Variants in TMEM45B observed in about 807,000 individuals in gnomAD.
The protein encoded by TMEM45B is transmembrane protein 45B.
In TMEM45B, 29 loss-of-function variants were observed where a neutral mutation model predicts 27.3. The observed-to-expected ratio is 1.06, with a 90% CI of 0.79 to 1.45. The LOEUF (loss-of-function observed/expected upper bound fraction) is 1.45. Ranked by LOEUF, TMEM45B falls within the 40% of genes most tolerant of loss-of-function variation. The pLI, the probability that TMEM45B is intolerant of heterozygous loss-of-function variation, is 0.00. For synonymous variants in TMEM45B, 143 were observed against 134.7 expected (o/e 1.06, Z -0.43); for missense variants, 348 against 343.9 (o/e 1.01, Z -0.09).
intron 1 of TMEM45B, among the ~76,000 whole-genome samples, chr11:129,832,319 G>A (rs188716276): frequency 2.4e-3 from 362 of 152,164 alleles, no homozygotes; most frequent in African/African-American, 7.4e-3. Context: ...GCAGTGAGCC[G>A]AGATCGCACC....
chr11:129,834,559 C>A (rs535183680), intron 1 of TMEM45B, among the ~76,000 whole-genome samples: 11 of 152,138 alleles, frequency 7.2e-5, no homozygotes, highest in African/African-American at 2.6e-4. Flanking sequence ...GCCGGTAGTC[C>A]CAGCAGTTTG....
rs1565374667 is a variant in TMEM45B at position 129,855,840 on chromosome 11, T to C, written c.518T>C (p.Leu173Pro). 2 of 1,614,204 alleles carry C rather than the reference T, an allele frequency of 1.2e-6. No homozygotes were observed. Among genetic ancestry groups the C allele is most frequent in the Non-Finnish European group, 1.7e-6 (2 of 1,180,040 alleles). Residue 173 changes from leucine (L) to proline (P), a missense_variant, in exon 4 of 6, where the codon CTG becomes CCG. Physicochemically the swap from Leu to Pro is moderately conservative, Grantham distance 98. Coordinates refer to ENST00000281441, the MANE Select transcript of TMEM45B (RefSeq NM_138788.5). ...GTGATCTTCCGGGACCACATTGTGCTGGAACTTTTCCGAACCAGTCTCATC... is the reference window on the plus strand; with the variant it reads ...GTGATCTTCCGGGACCACATTGTGCCGGAACTTTTCCGAACCAGTCTCATC... ...LEVIFRDHIV[L>P]ELFRTSLIIL... is the part of the protein sequence containing the mutation.
intron 1 of TMEM45B, among the ~76,000 whole-genome samples, chr11:129,832,917 G>C (rs1947568477): frequency 6.6e-6 from 1 of 152,136 alleles, no homozygotes; most frequent in African/African-American, 2.4e-5. Flanking sequence ...TTTTCGTATT[G>C]ATTTAGTAAT....
intron 1 of TMEM45B, among the ~76,000 whole-genome samples, chr11:129,834,826 AAAAAGAG>A (rs1347605295): frequency 3.3e-5 from 5 of 151,914 alleles, no homozygotes; most frequent in African/African-American, 7.2e-5. Flanking sequence ...AAAAAAAAAA[AAAAAGAG>A]AGAGAAACAT....
At chr11:129,819,026 C>T (rs879638666) in intron 1 of TMEM45B, among the ~76,000 whole-genome samples, 1 of 152,182 alleles carries the variant, frequency 6.6e-6, no homozygotes, top group Non-Finnish European at 1.5e-5. Context: ...TCTGTGACAG[C>T]AAACATAACC....
chr11:129,857,000 C>T (rs1947937765), intron 4 of TMEM45B, among the ~76,000 whole-genome samples: 1 of 151,876 alleles, frequency 6.6e-6, no homozygotes, highest in Non-Finnish European at 1.5e-5. Flanking sequence ...TTATAGGTGC[C>T]CACCACCATG....
chr11:129,850,155 T>G (rs113033314), intron 1 of TMEM45B, among the ~76,000 whole-genome samples: 3 of 106,646 alleles, frequency 2.8e-5, no homozygotes, highest in Admixed American at 8.8e-5. Context: ...TCACGTTTTT[T>G]TTTTTGTTGA....
At chr11:129,843,098 G>A (rs1947715282) in intron 1 of TMEM45B, among the ~76,000 whole-genome samples, 1 of 152,112 alleles carries the variant, frequency 6.6e-6, no homozygotes, top group Non-Finnish European at 1.5e-5. Context: ...CGCCACCACG[G>A]CTGGCTAATT....
intron 1 of TMEM45B, among the ~76,000 whole-genome samples, chr11:129,848,689 T>C (rs1008061774): frequency 2.0e-5 from 3 of 152,316 alleles, no homozygotes; most frequent in Non-Finnish European, 2.9e-5. Flanking sequence ...GGGTGGTCTT[T>C]TCTAGATCAC....
At position 129,852,506 on chromosome 11, in the gene TMEM45B, G is replaced by T; in HGVS notation, c.24G>T (p.Ala8=). Residue 8 remains alanine (A), a synonymous_variant, in exon 2 of 6, where the codon GCG becomes GCT. Coordinates refer to ENST00000281441, the MANE Select transcript of TMEM45B (RefSeq NM_138788.5). MANFKGH[A]LPGSFFLIIG... is the part of the protein sequence containing the mutation. ...TGATGGCAAATTTCAAGGGCCACGC[G>T]CTTCCAGGGAGTTTCTTCCTGATCA... 1 of 1,604,090 alleles carries T rather than the reference G, an allele frequency of 6.2e-7. No homozygotes were observed. The highest frequency in any genetic ancestry group is 8.5e-7 in the Non-Finnish European group (1 of 1,171,858).
chr11:129,827,407 T>G (rs1947498088), intron 1 of TMEM45B, among the ~76,000 whole-genome samples: 1 of 152,212 alleles, frequency 6.6e-6, no homozygotes, highest in East Asian at 1.9e-4. Context: ...TTCCAAGAAC[T>G]GACTTCAAAC....
At chr11:129,832,065 CAAAAAAAAA>C (rs57336005) in intron 1 of TMEM45B, among the ~76,000 whole-genome samples, 1 of 58,608 alleles carries the variant, frequency 1.7e-5, no homozygotes, top group Non-Finnish European at 2.8e-5. Flanking sequence ...GATTCCATCT[CAAAAAAAAA>C]AAAAAAAAAA....
At chr11:129,837,777 CT>C (rs1159669879) in intron 1 of TMEM45B, among the ~76,000 whole-genome samples, 14,568 of 68,602 alleles carry the variant, frequency 0.21, 562 homozygotes, top group African/African-American at 0.28. Context: ...AGGCTAGTTT[CT>C]TTTTTTTTTT....
intron 4 of TMEM45B, among the ~76,000 whole-genome samples, chr11:129,856,156 T>C (rs943093260): frequency 2.0e-5 from 3 of 152,198 alleles, no homozygotes; most frequent in Non-Finnish European, 2.9e-5. Context: ...GATGGGCTGA[T>C]GCCTTTCACA....
At position 129,852,478 on chromosome 11, in the gene TMEM45B, T is replaced by C. The variant is rs1021790502; in HGVS notation, c.-5T>C. The C allele has an allele frequency of 2.5e-6, 4 of 1,588,262 alleles. No homozygotes were observed. In the African/African-American group the frequency reaches 5.4e-5, roughly 21 times the overall value. On this transcript the variant is annotated 5_prime_UTR_variant, in exon 2 of 6. Transcript: ENST00000281441. Reference sequence around the variant, plus strand: ...CAGCCTTCCCCTAATTTTTTAGGTGTCCTGATGGCAAATTTCAAGGGCCAC... The same window carrying C: ...CAGCCTTCCCCTAATTTTTTAGGTGCCCTGATGGCAAATTTCAAGGGCCAC...
chr11:129,823,091 G>A (rs1013031879), intron 1 of TMEM45B, among the ~76,000 whole-genome samples: 2 of 151,908 alleles, frequency 1.3e-5, no homozygotes, highest in African/African-American at 4.8e-5. Context: ...CACCCACCTC[G>A]GCCTCCCAAA....
intron 1 of TMEM45B, among the ~76,000 whole-genome samples, chr11:129,839,064 T>A (rs1274630935): frequency 2.0e-5 from 3 of 152,214 alleles, no homozygotes; most frequent in Non-Finnish European, 4.4e-5. Flanking sequence ...TGCCTCCATT[T>A]TCTCTTTCTG....
intron 1 of TMEM45B, among the ~76,000 whole-genome samples, chr11:129,831,027 C>A (rs1010029273): frequency 1.6e-4 from 25 of 152,208 alleles, no homozygotes; most frequent in African/African-American, 5.5e-4. Context: ...AGTTCCAAAC[C>A]TTATATACAC....
chr11:129,852,723 T>C lies in TMEM45B; in HGVS notation c.178+63T>C, dbSNP rs573589053. ...ATCATACCCAGAACCTTTAATTCAT[T>C]TTCTGAGCCCTGTGAAATAGATGTT... is the stretch of plus-strand genomic sequence containing the variant. On this transcript the variant is annotated intron_variant, in intron 2 of 5. Coordinates refer to ENST00000281441, the MANE Select transcript of TMEM45B (RefSeq NM_138788.5). 1.1e-4 allele frequency: 166 copies of C among 1,519,066 alleles called. No homozygotes were observed. In the South Asian group the frequency reaches 2.0e-3, roughly 18 times the overall value. The allele number at this position is 1,519,066 out of a possible 1,614,324, so 94.1% of individuals were successfully genotyped here.
Sources: gnomAD v4.1 joint callset for allele counts (sites outside exome capture counted in the v4.1 genomes callset) on GRCh38, gnomAD v4.1.1 for gene constraint, MANE v1.5 for transcripts, NCBI Gene and HGNC (gene_info 2026-07-23, HGNC 2026-07-21) for gene names.